Variants in TTC28 observed in about 807,000 individuals in gnomAD.
The protein encoded by TTC28 is tetratricopeptide repeat protein 28.
TTC28 carries 61 observed loss-of-function variants against 198.0 expected under a neutral mutation model. The observed-to-expected ratio is 0.31, with a 90% CI of 0.25 to 0.38. TTC28 has a LOEUF of 0.38. Ranked by LOEUF, TTC28 falls within the 10% of genes least tolerant of loss-of-function variation. The pLI is 1.00. For missense variants in TTC28, 2,678 were observed against 3,164.0 expected (o/e 0.85, Z 3.69); for synonymous variants, 1,171 against 1,297.8 (o/e 0.90, Z 2.10).
At chr22:28,153,331 T>G (rs569646034) in intron 6 of TTC28, among the ~76,000 whole-genome samples, 204 of 143,566 alleles carry the variant, frequency 1.4e-3, no homozygotes, top group African/African-American at 5.0e-3. Context: ...AAAAAGAGGC[T>G]AAGCATCATT....
intron 5 of TTC28, among the ~76,000 whole-genome samples, chr22:28,186,512 A>G (rs1924220899): frequency 1.3e-5 from 2 of 152,158 alleles, no homozygotes; most frequent in South Asian, 2.1e-4. Flanking sequence ...TTCAACAGTG[A>G]CACTGGGCTG....
chr22:28,229,686 C>A (rs1247483295), intron 5 of TTC28, among the ~76,000 whole-genome samples: 3 of 152,080 alleles, frequency 2.0e-5, no homozygotes, highest in Admixed American at 6.5e-5. Context: ...TTCCCCACCA[C>A]CCCTTTCAAT....
chr22:28,522,595 T>TG (rs1274875239), intron 2 of TTC28, among the ~76,000 whole-genome samples: 8 of 151,146 alleles, frequency 5.3e-5, no homozygotes, highest in African/African-American at 1.9e-4. Context: ...ACTACTGAAA[T>TG]TTGAACTCAA....
At chr22:28,332,363 T>C (rs1254556787) in intron 2 of TTC28, among the ~76,000 whole-genome samples, 2 of 151,992 alleles carry the variant, frequency 1.3e-5, no homozygotes, top group African/African-American at 2.4e-5. Flanking sequence ...AATGAAAATA[T>C]AGACTTAATA....
chr22:27,990,027 G>C lies in TTC28; in HGVS notation c.5578-20C>G. ...GTGGAGCTGAGGAAGGGGGGACAGC[G>C]TGAGCACCCTGTGTCTCCTTCCCCT... On this transcript the variant is annotated intron_variant, in intron 20 of 22. Transcript: ENST00000397906. The C allele has an allele frequency of 1.3e-6, 2 of 1,545,672 alleles. No homozygotes were observed. The highest frequency in any genetic ancestry group is 1.2e-5 in the South Asian group (1 of 83,870).
intron 1 of TTC28, among the ~76,000 whole-genome samples, chr22:28,657,092 G>A (rs566582144): frequency 6.6e-6 from 1 of 152,260 alleles, no homozygotes; most frequent in South Asian, 2.1e-4. Context: ...AAGTAGACAA[G>A]CTAGTATTCC....
At chr22:28,032,886 T>C (rs1045025578) in intron 12 of TTC28, among the ~76,000 whole-genome samples, 2 of 152,232 alleles carry the variant, frequency 1.3e-5, no homozygotes, top group Admixed American at 6.5e-5. Context: ...CCCATCATGC[T>C]GGAGAGCTTT....
At chr22:28,458,641 G>A (rs1406351738) in intron 2 of TTC28, among the ~76,000 whole-genome samples, 1 of 152,110 alleles carries the variant, frequency 6.6e-6, no homozygotes, top group Non-Finnish European at 1.5e-5. Context: ...CAGCACTTTG[G>A]GAGGCCGAGG....
chr22:28,204,685 AAC>A (rs1926251014), intron 5 of TTC28, among the ~76,000 whole-genome samples: 1 of 152,116 alleles, frequency 6.6e-6, no homozygotes, highest in South Asian at 2.1e-4. Flanking sequence ...TCATTAAAAA[AAC>A]ACTTAATCTT....
At chr22:28,181,455 C>T (rs1422911343) in intron 5 of TTC28, among the ~76,000 whole-genome samples, 2 of 152,140 alleles carry the variant, frequency 1.3e-5, no homozygotes, top group Non-Finnish European at 2.9e-5. Flanking sequence ...AGTAAAACTG[C>T]ATTTAGTTTC....
chr22:28,165,835 C>T (rs1429781385), intron 5 of TTC28, among the ~76,000 whole-genome samples: 3 of 152,116 alleles, frequency 2.0e-5, no homozygotes, highest in Non-Finnish European at 4.4e-5. Context: ...ACAATATGAA[C>T]CTTAAATGTA....
intron 2 of TTC28, among the ~76,000 whole-genome samples, chr22:28,604,149 G>A (rs1260544101): frequency 2.0e-5 from 3 of 151,366 alleles, no homozygotes; most frequent in Non-Finnish European, 4.4e-5. Context: ...GTGTTGGTTT[G>A]CACCTGTAAT....
chr22:28,169,905 TA>T (rs201421741), intron 5 of TTC28, among the ~76,000 whole-genome samples: 2,051 of 150,282 alleles, frequency 0.014, 15 homozygotes, highest in Non-Finnish European at 0.019. Flanking sequence ...ATCATACTCT[TA>T]AAAAAAAAAT....
intron 1 of TTC28, among the ~76,000 whole-genome samples, chr22:28,659,609 A>T (rs2051710547): frequency 6.6e-6 from 1 of 152,032 alleles, no homozygotes; most frequent in Non-Finnish European, 1.5e-5. Context: ...GCTCAAATAA[A>T]GAATATGCCT....
chr22:28,536,407 G>A (rs1010897041), intron 2 of TTC28, among the ~76,000 whole-genome samples: 35 of 151,538 alleles, frequency 2.3e-4, no homozygotes, highest in African/African-American at 8.4e-4. Context: ...GGCGGATCAC[G>A]AGGTCAGGAG....
intron 2 of TTC28, among the ~76,000 whole-genome samples, chr22:28,627,435 CTTTTTT>C (rs113850616): frequency 7.2e-6 from 1 of 138,352 alleles, no homozygotes; most frequent in Non-Finnish European, 1.6e-5. Context: ...TTTTCTTTTT[CTTTTTT>C]TTTTTTTTTT....
chr22:28,011,970 TGCAAAGGGAGACAG>T (rs1405592244), intron 14 of TTC28, among the ~76,000 whole-genome samples: 2 of 151,922 alleles, frequency 1.3e-5, no homozygotes, highest in African/African-American at 4.8e-5. Context: ...AAAGGAGAAA[TGCAAAGGGAGACAG>T]GCAAAGGCCT....
chr22:28,054,083 C>T (rs1369445655), intron 12 of TTC28, among the ~76,000 whole-genome samples: 1 of 152,100 alleles, frequency 6.6e-6, no homozygotes, highest in Non-Finnish European at 1.5e-5. Flanking sequence ...GAAGAAAGGG[C>T]ACAAATGCTG....
intron 12 of TTC28, among the ~76,000 whole-genome samples, chr22:28,052,406 G>C (rs941386304): frequency 1.3e-5 from 2 of 152,058 alleles, no homozygotes; most frequent in Admixed American, 6.6e-5. Context: ...ACAAAGCTCC[G>C]CAAGATTCAG....
Sources: gnomAD v4.1 joint callset for allele counts (sites outside exome capture counted in the v4.1 genomes callset) on GRCh38, gnomAD v4.1.1 for gene constraint, MANE v1.5 for transcripts, NCBI Gene and HGNC (gene_info 2026-07-23, HGNC 2026-07-21) for gene names.